DIAPH1: variants seen among roughly 807,000 people sequenced by gnomAD.
DIAPH1 encodes the protein protein diaphanous homolog 1.
A neutral mutation model predicts 140.7 loss-of-function variants in DIAPH1; 46 were observed. The observed-to-expected ratio is 0.33, with a 90% CI of 0.26 to 0.42. The LOEUF (loss-of-function observed/expected upper bound fraction) is 0.42. Ranked by LOEUF, DIAPH1 falls within the 10% of genes least tolerant of loss-of-function variation. The pLI is 1.00. For missense variants in DIAPH1, 1,310 were observed against 1,558.7 expected, an observed-to-expected ratio of 0.84 and a Z score of 2.69; for synonymous variants, 565 against 551.6, an observed-to-expected ratio of 1.02 and a Z score of -0.34.
chr5:141,529,675 G>T lies in DIAPH1; in HGVS notation c.2604C>A (p.Arg868=), dbSNP rs747027767. 9 of 1,614,144 alleles carry T rather than the reference G, an allele frequency of 5.6e-6. No homozygotes were observed. In the East Asian group the frequency reaches 2.0e-4, roughly 36 times the overall value. The change falls in exon 20 of 28, where the codon CGC becomes CGA. Residue 868 remains arginine, a synonymous_variant. Transcript: ENST00000389054. ...CATTCTTAATCTCTTGATAGGGCAT[G>T]CGGAAGGAACCCAAAAAGATTGCTG... ...QNLSIFLGSF[R]MPYQEIKNVI... is the part of the protein sequence containing the mutation.
intron 12 of DIAPH1, 56 bp downstream of exon 12, chr5:141,577,419 T>G: frequency 8.3e-7 from 1 of 1,204,454 alleles, no homozygotes; most frequent in Non-Finnish European, 1.2e-6. Flanking sequence ...ATTTAAGGAA[T>G]TCACTCTCTC....
intron 15 of DIAPH1, 109 bp downstream of exon 15, chr5:141,574,858 T>C (rs932115825): frequency 7.7e-6 from 9 of 1,175,018 alleles, no homozygotes; most frequent in Admixed American, 3.5e-5. Flanking sequence ...GTAACTAGAT[T>C]ACCTATTAGT....
Position 141,567,975 on chromosome 5 carries a change from A to G in DIAPH1, c.2482+3453T>C, listed in dbSNP as rs992841332. 2.6e-5 allele frequency among the ~76,000 whole-genome samples: 4 copies of G among 152,336 alleles called. No individual in the cohort carries two copies. In the South Asian group the frequency reaches 8.3e-4, roughly 32 times the overall value. On this transcript the variant is annotated intron_variant, in intron 18 of 27. Coordinates refer to ENST00000389054, the MANE Select transcript of DIAPH1 (RefSeq NM_005219.5). ...GAGTTTTTTCTAAATTACTGCCATT[A>G]AATATTTGGAGAACTGTTCTGATGC...
At chr5:141,584,438 C>T (rs1282649656) in intron 3 of DIAPH1, among the ~76,000 whole-genome samples, 2 of 148,342 alleles carry the variant, frequency 1.3e-5, no homozygotes, top group Admixed American at 7.1e-5. Flanking sequence ...TCTCTATAGA[C>T]ATATACACAC....
In DIAPH1 at chr5:141,517,012, C is replaced by T. The variant is rs756395607; in HGVS notation, c.3662-4G>A. ...GCACACCCGGCCTTCCTGTTGGCTG[C>T]AAGAGAAGACGAGAGATTCTGTCTA... On this transcript the variant is annotated splice_region_variant and splice_polypyrimidine_tract_variant and intron_variant, in intron 27 of 27. Coordinates refer to ENST00000389054, the MANE Select transcript of DIAPH1 (RefSeq NM_005219.5). 1.1e-5 allele frequency: 18 copies of T among 1,614,148 alleles called. No homozygotes were observed. In the South Asian group the frequency reaches 1.9e-4, roughly 17 times the overall value.
At chr5:141,529,344 C>G (rs2099887860) in intron 20 of DIAPH1, 71 bp from the exon 21 acceptor site, 2 of 1,212,436 alleles carry the variant, frequency 1.6e-6, no homozygotes, top group African/African-American at 3.0e-5. Context: ...AACTTTTACT[C>G]TGTTGTCAGT....
At chr5:141,578,112 A>C in intron 11 of DIAPH1, 113 bp downstream of exon 11, 1 of 840,422 alleles carries the variant, frequency 1.2e-6, no homozygotes. Context: ...GAAGACACAT[A>C]AGCCTGATGC....
intron 12 of DIAPH1, among the ~76,000 whole-genome samples, chr5:141,577,131 A>T (rs1254723426): frequency 7.9e-5 from 12 of 152,168 alleles, no homozygotes. Context: ...TTTGCGTTTG[A>T]TCCTTCCTGT....
chr5:141,541,393 A>T (rs1187284818), intron 18 of DIAPH1, among the ~76,000 whole-genome samples: 2 of 152,192 alleles, frequency 1.3e-5, no homozygotes, highest in Admixed American at 6.5e-5. Context: ...ATATTTCTTT[A>T]TATATACTTA....
chr5:141,583,349 A>G lies in DIAPH1; in HGVS notation c.534-57T>C, dbSNP rs2099897055. The G allele has an allele frequency of 3.1e-6, 5 of 1,606,688 alleles. No homozygotes were observed. In the East Asian group the frequency reaches 1.1e-4, roughly 36 times the overall value. On this transcript the variant is annotated intron_variant, in intron 5 of 27. Transcript: ENST00000389054. ...CAAACCAATAAATACTTATTTGCCA[A>G]ACAAAGTTTATCCTGACAACTTACT...
intron 10 of DIAPH1, 32 bp from the exon 11 acceptor site, chr5:141,578,375 C>A: frequency 6.4e-7 from 1 of 1,571,226 alleles, no homozygotes; most frequent in Non-Finnish European, 8.8e-7. Flanking sequence ...GTCAGGGAAC[C>A]CAAAAGTATC....
At chr5:141,579,280 G>T in intron 8 of DIAPH1, 84 bp from the exon 9 acceptor site, 2 of 958,598 alleles carry the variant, frequency 2.1e-6, no homozygotes, top group Non-Finnish European at 3.4e-6. Flanking sequence ...CAGGGGCACA[G>T]ACCGATTAGG....
chr5:141,578,327 T>C lies in DIAPH1; in HGVS notation c.1061A>G (p.Glu354Gly). The C allele has an allele frequency of 1.2e-6, 2 of 1,613,918 alleles. No homozygotes were observed. The highest frequency in any genetic ancestry group is 1.7e-6 in the Non-Finnish European group (2 of 1,179,752). The change falls in exon 11 of 28, where the codon GAA becomes GGA. Residue 354 changes from glutamate to glycine, a missense_variant. Coordinates refer to ENST00000389054, the MANE Select transcript of DIAPH1 (RefSeq NM_005219.5). ...HQVLQDLREI[E>G]NEDMRVQLNV... ...TAGTTGCACTCTCATATCTTCATTT[T>C]CAATCTCTCGAAGGTCCTGTCAACA...
chr5:141,551,242 G>T (rs1264068127), intron 18 of DIAPH1, among the ~76,000 whole-genome samples: 1 of 152,204 alleles, frequency 6.6e-6, no homozygotes, highest in African/African-American at 2.4e-5. Flanking sequence ...TGGAGCCCAA[G>T]AGTTCAAGAA....
intron 18 of DIAPH1, among the ~76,000 whole-genome samples, chr5:141,550,250 G>A (rs1362627413): frequency 2.0e-5 from 3 of 152,058 alleles, no homozygotes; most frequent in African/African-American, 4.8e-5. Context: ...TGTATAACCT[G>A]AATCTAATAA....
intron 1 of DIAPH1, among the ~76,000 whole-genome samples, chr5:141,610,587 C>T (rs1455852284): frequency 6.6e-6 from 1 of 152,042 alleles, no homozygotes; most frequent in Non-Finnish European, 1.5e-5. Context: ...GTGTGAGCCA[C>T]TGTGCCCAGC....
At chr5:141,578,658 G>T in intron 9 of DIAPH1, 33 bp from the exon 10 acceptor site, 1 of 1,497,442 alleles carries the variant, frequency 6.7e-7, no homozygotes, top group Non-Finnish European at 9.3e-7. Context: ...CTATGTCAAT[G>T]CTAACTCCTG....
At chr5:141,523,980 C>G (rs185759881) in intron 27 of DIAPH1, among the ~76,000 whole-genome samples, 163 bp downstream of exon 27, 3 of 151,846 alleles carry the variant, frequency 2.0e-5, no homozygotes, top group Non-Finnish European at 2.9e-5. Context: ...TTCTAAGTCG[C>G]TACTCTGTAA....
chr5:141,586,171 G>A (rs533878418), intron 3 of DIAPH1, among the ~76,000 whole-genome samples: 29 of 152,232 alleles, frequency 1.9e-4, no homozygotes, highest in African/African-American at 7.0e-4. Context: ...CCTGGCCCAA[G>A]AGACATTTAA....
Sources: gnomAD v4.1 joint callset for allele counts (sites outside exome capture counted in the v4.1 genomes callset) on GRCh38, gnomAD v4.1.1 for gene constraint, MANE v1.5 for transcripts, NCBI Gene and HGNC (gene_info 2026-07-23, HGNC 2026-07-21) for gene names.